The following NELL1 variants were observed in gnomAD, a reference collection of about 807,000 sequenced individuals.
NELL1 encodes the protein neural EGFL like 1, also known as protein kinase C-binding protein NELL1.
A neutral mutation model predicts 107.4 loss-of-function variants in NELL1; 76 were observed. That is an observed-to-expected ratio of 0.71 (90% CI 0.59 to 0.86). The LOEUF is 0.86. Ranked by LOEUF, NELL1 falls within the 40% of genes least tolerant of loss-of-function variation. The pLI, the probability that NELL1 is intolerant of heterozygous loss-of-function variation, is 0.00. For synonymous variants in NELL1, 353 were observed against 341.2 expected (o/e 1.03, Z -0.38); for missense variants, 1,024 against 1,005.5 (o/e 1.02, Z -0.25).
intron 13 of NELL1, among the ~76,000 whole-genome samples, chr11:21,157,045 T>C (rs1373646604): frequency 6.6e-6 from 1 of 151,860 alleles, no homozygotes; most frequent in East Asian, 1.9e-4. Flanking sequence ...GAGGCTGCAG[T>C]GAGCTGAGAT....
At chr11:21,030,290 T>C (rs527529911) in intron 12 of NELL1, among the ~76,000 whole-genome samples, 1 of 152,318 alleles carries the variant, frequency 6.6e-6, no homozygotes, top group South Asian at 2.1e-4. Context: ...CTTGTCACAT[T>C]GAGAAGATAT....
intron 2 of NELL1, among the ~76,000 whole-genome samples, chr11:20,681,689 ATTATC>A (rs1854193136): frequency 6.6e-6 from 1 of 152,100 alleles, no homozygotes; most frequent in Admixed American, 6.6e-5. Context: ...AAATAAATTT[ATTATC>A]TTATACTTCT....
chr11:21,382,690 G>T (rs576475233), intron 15 of NELL1, among the ~76,000 whole-genome samples: 175 of 151,998 alleles, frequency 1.2e-3, no homozygotes, highest in African/African-American at 4.1e-3. Flanking sequence ...TACCATTAAT[G>T]AAGGGAGCTA....
intron 11 of NELL1, among the ~76,000 whole-genome samples, chr11:20,949,003 A>G (rs929869108): frequency 6.6e-6 from 1 of 152,032 alleles, no homozygotes; most frequent in Non-Finnish European, 1.5e-5. Flanking sequence ...TTCTTTATAA[A>G]GGGTTACAAA....
chr11:21,442,037 G>T (rs1853299338), intron 15 of NELL1, among the ~76,000 whole-genome samples: 1 of 152,090 alleles, frequency 6.6e-6, no homozygotes, highest in African/African-American at 2.4e-5. Flanking sequence ...CCACCTTTGA[G>T]TTCTTTACTC....
At chr11:21,187,049 G>A (rs193152789) in intron 13 of NELL1, among the ~76,000 whole-genome samples, 17 of 152,002 alleles carry the variant, frequency 1.1e-4, no homozygotes, top group Admixed American at 8.5e-4. Flanking sequence ...TGTGACTCAC[G>A]TGATTTCACT....
intron 2 of NELL1, among the ~76,000 whole-genome samples, chr11:20,729,600 A>G (rs775070695): frequency 5.3e-5 from 8 of 152,152 alleles, no homozygotes; most frequent in African/African-American, 9.6e-5. Context: ...GGTGAATTAC[A>G]TTTATTAATT....
At chr11:20,697,392 T>A (rs772615796) in intron 2 of NELL1, among the ~76,000 whole-genome samples, 32 of 135,238 alleles carry the variant, frequency 2.4e-4, no homozygotes, top group Non-Finnish European at 4.2e-4. Context: ...CTTTAATATG[T>A]TGCTTTTTTT....
chr11:21,379,895 A>T (rs950228331), intron 15 of NELL1, among the ~76,000 whole-genome samples: 1 of 152,162 alleles, frequency 6.6e-6, no homozygotes, highest in East Asian at 1.9e-4. Flanking sequence ...GCATCCATCT[A>T]TTGGTAACTG....
intron 13 of NELL1, among the ~76,000 whole-genome samples, chr11:21,178,434 T>A (rs1856755692): frequency 6.6e-6 from 1 of 151,870 alleles, no homozygotes; most frequent in African/African-American, 2.4e-5. Flanking sequence ...TTAATAGTTT[T>A]ACAACAGTCA....
chr11:20,884,796 T>A (rs1222027072), intron 4 of NELL1, among the ~76,000 whole-genome samples: 1 of 152,230 alleles, frequency 6.6e-6, no homozygotes. Context: ...ACCTTGTGTG[T>A]CTGGTTTCTT....
chr11:21,309,695 G>A (rs182995388), intron 14 of NELL1, among the ~76,000 whole-genome samples: 35 of 152,052 alleles, frequency 2.3e-4, no homozygotes, highest in African/African-American at 4.8e-4. Context: ...TCACAATCAC[G>A]GCAGAAGGCA....
chr11:20,759,328 T>C (rs1856367387), intron 2 of NELL1, among the ~76,000 whole-genome samples: 1 of 152,188 alleles, frequency 6.6e-6, no homozygotes, highest in Non-Finnish European at 1.5e-5. Flanking sequence ...GTCTCAGACA[T>C]TGAAAGGATC....
At chr11:21,042,514 A>G (rs576286156) in intron 12 of NELL1, among the ~76,000 whole-genome samples, 22 of 152,306 alleles carry the variant, frequency 1.4e-4, no homozygotes, top group Non-Finnish European at 2.4e-4. Context: ...GAAAGAGTCA[A>G]TTATGGTGCT....
intron 14 of NELL1, among the ~76,000 whole-genome samples, chr11:21,329,489 G>A (rs774807559): frequency 1.5e-4 from 23 of 152,126 alleles, no homozygotes; most frequent in Non-Finnish European, 2.8e-4. Context: ...CACTATAGAT[G>A]TGAAAAGGTG....
intron 17 of NELL1, among the ~76,000 whole-genome samples, chr11:21,560,892 T>C (rs912787761): frequency 2.8e-5 from 2 of 71,948 alleles, no homozygotes; most frequent in South Asian, 7.2e-4. Flanking sequence ...CTCTTAGAAA[T>C]TGATGTCTTC....
At chr11:21,177,737 C>G (rs1017317049) in intron 13 of NELL1, among the ~76,000 whole-genome samples, 2 of 151,854 alleles carry the variant, frequency 1.3e-5, no homozygotes, top group Non-Finnish European at 2.9e-5. Context: ...TTCCTACCAA[C>G]AGTGTGCACC....
intron 15 of NELL1, among the ~76,000 whole-genome samples, chr11:21,412,034 CAT>C (rs1852391393): frequency 6.6e-6 from 1 of 152,028 alleles, no homozygotes; most frequent in African/African-American, 2.4e-5. Context: ...TAGTAGGAGA[CAT>C]AAATTTGTGA....
intron 5 of NELL1, among the ~76,000 whole-genome samples, chr11:20,912,792 A>G (rs908308982): frequency 6.6e-6 from 1 of 152,170 alleles, no homozygotes; most frequent in Non-Finnish European, 1.5e-5. Context: ...TGCTTCCCAT[A>G]ATTCCACAGA....
Sources: allele counts gnomAD v4.1 joint callset (sites outside exome capture counted in the v4.1 genomes callset), GRCh38; gene constraint gnomAD v4.1.1; transcripts MANE v1.5; gene names NCBI Gene and HGNC (gene_info 2026-07-23, HGNC 2026-07-21).